ATAD5: variants seen among roughly 807,000 people sequenced by gnomAD.
ATAD5 encodes the protein ATPase family AAA domain containing 5.
A neutral mutation model predicts 176.9 loss-of-function variants in ATAD5; 58 were observed. The observed-to-expected ratio is 0.33, with a 90% CI of 0.27 to 0.41. The LOEUF (loss-of-function observed/expected upper bound fraction) is 0.41. Ranked by LOEUF, ATAD5 falls within the 10% of genes least tolerant of loss-of-function variation. The pLI, the probability that ATAD5 is intolerant of heterozygous loss-of-function variation, is 1.00. For synonymous variants in ATAD5, 640 were observed against 712.6 expected (o/e 0.90, Z 1.62); for missense variants, 1,789 against 2,094.1 (o/e 0.85, Z 2.84).
intron 14 of ATAD5, among the ~76,000 whole-genome samples, chr17:30,872,536 TTTTTTTTTTTCTTTTTTC>T (rs961828187): frequency 1.1e-4 from 8 of 71,680 alleles, no homozygotes; most frequent in African/African-American, 1.1e-4. Context: ...TTTCTTTTTC[TTTTTTTTTTTCTTTTTTC>T]TTTTTTTTTT....
chr17:30,878,718 GTTTTTT>G (rs71142005), intron 17 of ATAD5, among the ~76,000 whole-genome samples: 80 of 56,848 alleles, frequency 1.4e-3, no homozygotes, highest in Admixed American at 0.013. Flanking sequence ...GTTAGGTGGT[GTTTTTT>G]TTTTTTTTTT....
chr17:30,844,747 CAAAAAAAAAAAAA>C (rs569986111), intron 5 of ATAD5, 75 bp from the exon 6 acceptor site: 6 of 347,010 alleles, frequency 1.7e-5, no homozygotes, highest in Non-Finnish European at 1.9e-5. Flanking sequence ...GACTCCATCT[CAAAAAAAAAAAAA>C]AAAAAAAAAA....
chr17:30,892,917 T>C, intron 20 of ATAD5, 129 bp downstream of exon 20: 1 of 777,480 alleles, frequency 1.3e-6, no homozygotes, highest in Non-Finnish European at 1.9e-6. Context: ...CTTAGGTCTC[T>C]GATTTTAACA....
chr17:30,875,846 T>C (rs1423476073), intron 14 of ATAD5, among the ~76,000 whole-genome samples: 1 of 149,632 alleles, frequency 6.7e-6, no homozygotes, highest in Non-Finnish European at 1.5e-5. Flanking sequence ...CTTTTCTAAA[T>C]GACTGGCTTG....
intron 6 of ATAD5, among the ~76,000 whole-genome samples, chr17:30,847,687 T>G (rs943398258): frequency 1.3e-5 from 2 of 151,302 alleles, no homozygotes; most frequent in African/African-American, 4.9e-5. Context: ...TTTTCAGTAT[T>G]TGGCTATTAT....
intron 6 of ATAD5, among the ~76,000 whole-genome samples, chr17:30,851,938 T>TG (rs1906995455): frequency 6.6e-6 from 1 of 152,228 alleles, no homozygotes. Flanking sequence ...AGGCTGGTCT[T>TG]GAACTCCTGG....
chr17:30,864,028 T>G (rs932081077), intron 10 of ATAD5: 2 of 152,190 alleles, frequency 1.3e-5, no homozygotes, highest in South Asian at 4.1e-4. Context: ...CTCGAACTCC[T>G]GATCTCAAGT....
intron 6 of ATAD5, among the ~76,000 whole-genome samples, chr17:30,852,287 C>T (rs1472597366): frequency 6.6e-6 from 1 of 152,142 alleles, no homozygotes; most frequent in African/African-American, 2.4e-5. Context: ...GTCCCTTTGA[C>T]ATGTCCTCAT....
At position 30,893,624 on chromosome 17, in the gene ATAD5, A is replaced by G. The variant is rs767373259; in HGVS notation, c.4771A>G (p.Ser1591Gly). The G allele has an allele frequency of 1.2e-6, 2 of 1,614,024 alleles. No individual in the cohort carries two copies. Among genetic ancestry groups the G allele is most frequent in the South Asian group, 1.1e-5 (1 of 91,062 alleles). ...TDLDFPDQSI[S>G]LSSVSSSSNA... The stretch of plus-strand genomic sequence containing the variant: ...CTTGGACTTTCCTGATCAATCTATT[A>G]GCCTGTCCTCTGTATCATCTTCCTC... Residue 1591 changes from serine (S) to glycine (G), a missense_variant, in exon 21 of 23, where the codon AGC becomes GGC. Physicochemically the swap from Ser to Gly is moderately conservative, Grantham distance 56 (BLOSUM62 0). Coordinates refer to ENST00000321990, the MANE Select transcript of ATAD5 (RefSeq NM_024857.5).
chr17:30,837,752 G>T (rs1376857544), intron 3 of ATAD5, among the ~76,000 whole-genome samples: 1 of 152,136 alleles, frequency 6.6e-6, no homozygotes, highest in Non-Finnish European at 1.5e-5. Context: ...TTCTCACATG[G>T]TAGAGAACAG....
At chr17:30,891,463 C>T (rs1909633791) in intron 19 of ATAD5, among the ~76,000 whole-genome samples, 1 of 152,064 alleles carries the variant, frequency 6.6e-6, no homozygotes, top group Non-Finnish European at 1.5e-5. Context: ...CCTCTGCCTC[C>T]CGGGTTCAAG....
At chr17:30,875,757 C>T (rs962548687) in intron 14 of ATAD5, among the ~76,000 whole-genome samples, 1 of 150,378 alleles carries the variant, frequency 6.6e-6, no homozygotes, top group Admixed American at 6.6e-5. Flanking sequence ...GATCATACCA[C>T]TTCACTCCAG....
At chr17:30,868,470 C>A (rs1597981383) in intron 12 of ATAD5, 58 bp downstream of exon 12, 118 of 1,057,134 alleles carry the variant, frequency 1.1e-4, no homozygotes, top group Middle Eastern at 2.3e-4. Flanking sequence ...TTTAGAGTTA[C>A]ATTAACTAAA....
intron 6 of ATAD5, among the ~76,000 whole-genome samples, chr17:30,853,696 T>C (rs756568593): frequency 1.1e-4 from 16 of 152,198 alleles, no homozygotes; most frequent in Middle Eastern, 3.2e-3. Flanking sequence ...ATATAAGCTG[T>C]GACACACCAT....
rs537854875 is a variant in ATAD5, at chr17:30,882,180, T to C, written c.4077+2693T>C. On this transcript the variant is annotated intron_variant, in intron 18 of 22. Coordinates refer to ENST00000321990, the MANE Select transcript of ATAD5 (RefSeq NM_024857.5). The stretch of plus-strand genomic sequence containing the variant: ...CTGAGGCAGGAGAATTGCTCGAACC[T>C]GGGAGGCAGAGGTTGTGGTGAGCCA... Among the ~76,000 whole-genome samples, 146 of 151,534 alleles carry C rather than the reference T, an allele frequency of 9.6e-4. 4 individuals are homozygous for C. In the South Asian group the frequency reaches 0.028, roughly 29 times the overall value.
chr17:30,853,280 T>C (rs952536237), intron 6 of ATAD5, among the ~76,000 whole-genome samples: 1 of 152,082 alleles, frequency 6.6e-6, no homozygotes, highest in Non-Finnish European at 1.5e-5. Context: ...CATTTAAAAC[T>C]ATTTATATGT....
intron 6 of ATAD5, among the ~76,000 whole-genome samples, chr17:30,854,226 T>C (rs1356159161): frequency 6.8e-6 from 1 of 147,146 alleles, no homozygotes; most frequent in Non-Finnish European, 1.5e-5. Context: ...ATATATAAAT[T>C]ATATAATTAT....
intron 6 of ATAD5, among the ~76,000 whole-genome samples, chr17:30,852,154 A>G (rs1229050991): frequency 6.6e-6 from 1 of 152,084 alleles, no homozygotes; most frequent in Non-Finnish European, 1.5e-5. Context: ...CAGTTTATCT[A>G]TTTATTCACT....
intron 11 of ATAD5, among the ~76,000 whole-genome samples, chr17:30,867,683 C>T (rs1046205744): frequency 6.6e-6 from 1 of 152,144 alleles, no homozygotes; most frequent in Admixed American, 6.6e-5. Context: ...TGAATCTTGG[C>T]TCACTGCAAC....
Sources: gnomAD v4.1 joint callset for allele counts (sites outside exome capture counted in the v4.1 genomes callset) on GRCh38, gnomAD v4.1.1 for gene constraint, MANE v1.5 for transcripts, NCBI Gene and HGNC (gene_info 2026-07-23, HGNC 2026-07-21) for gene names.